Variants in ST7 observed in about 807,000 individuals in gnomAD.
The protein encoded by ST7 is suppression of tumorigenicity 7, also known as suppressor of tumorigenicity 7 protein.
A neutral mutation model predicts 78.7 loss-of-function variants in ST7; 28 were observed. The observed-to-expected ratio is 0.36, with a 90% CI of 0.26 to 0.49. The LOEUF is 0.49. Ranked by LOEUF, ST7 falls within the 20% of genes least tolerant of loss-of-function variation. ST7 has a pLI of 0.99. For missense variants in ST7, 418 were observed against 696.0 expected (o/e 0.60, Z 4.49); for synonymous variants, 247 against 249.6 (o/e 0.99, Z 0.10).
At chr7:117,167,668 G>T (rs1807677068) in intron 9 of ST7, among the ~76,000 whole-genome samples, 1 of 152,066 alleles carries the variant, frequency 6.6e-6, no homozygotes, top group South Asian at 2.1e-4. Context: ...TAAGATAAGA[G>T]GATGTGGGAC....
At chr7:117,019,289 T>A (rs2116006137) in intron 1 of ST7, among the ~76,000 whole-genome samples, 1 of 152,362 alleles carries the variant, frequency 6.6e-6, no homozygotes, top group African/African-American at 2.4e-5. Flanking sequence ...TTTTTTGGCT[T>A]GTGTTGGATA....
intron 12 of ST7, among the ~76,000 whole-genome samples, chr7:117,195,846 T>C (rs1311052555): frequency 6.6e-6 from 1 of 152,156 alleles, no homozygotes; most frequent in Non-Finnish European, 1.5e-5. Context: ...CACATCACTG[T>C]ACAGTAATCT....
At chr7:117,126,970 TGTGA>T (rs1803904472) in intron 3 of ST7, among the ~76,000 whole-genome samples, 1 of 151,906 alleles carries the variant, frequency 6.6e-6, no homozygotes, top group South Asian at 2.1e-4. Flanking sequence ...TGTCAGCACT[TGTGA>T]GTAGAGACTG....
chr7:116,981,190 C>T (rs1793943067), intron 1 of ST7, among the ~76,000 whole-genome samples: 1 of 152,034 alleles, frequency 6.6e-6, no homozygotes, highest in Non-Finnish European at 1.5e-5. Context: ...CTCACTGCAG[C>T]CTCGACCTCC....
At chr7:116,973,401 A>G (rs1011673348) in intron 1 of ST7, among the ~76,000 whole-genome samples, 3 of 151,930 alleles carry the variant, frequency 2.0e-5, no homozygotes, top group South Asian at 2.1e-4. Flanking sequence ...GGGACTACAC[A>G]TGTGTGCCAC....
intron 1 of ST7, among the ~76,000 whole-genome samples, chr7:116,992,956 G>A (rs753972104): frequency 3.3e-5 from 5 of 152,156 alleles, no homozygotes; most frequent in Non-Finnish European, 2.9e-5. Context: ...AATAAGAGTC[G>A]CCTTTGCTCC....
rs967747888 is a variant in ST7, at chr7:117,219,015, C to T, written c.1406-69C>T. On this transcript the variant is annotated intron_variant, in intron 13 of 15. Transcript: ENST00000323984. The surrounding 1 kb of genome is among the most constrained non-coding windows in gnomAD (Gnocchi z 5.1). ...CCCTGTTATAAAAATGCTCAAACGCCCCTTTTTGCAGTTGGGAAGTTATGA... is the reference window on the plus strand; with the variant it reads ...CCCTGTTATAAAAATGCTCAAACGCTCCTTTTTGCAGTTGGGAAGTTATGA... 3.1e-6 allele frequency: 4 copies of T among 1,285,772 alleles called. No individual in the cohort carries two copies. The highest frequency in any genetic ancestry group is 3.0e-5 in the African/African-American group (2 of 67,670). 79.6% of individuals were successfully genotyped at this position (1,285,772 alleles called of 1,614,324 possible).
chr7:117,136,203 A>G lies in ST7; in HGVS notation c.833A>G (p.Gln278Arg), dbSNP rs1444281450. The G allele has an allele frequency of 6.2e-7, 1 of 1,613,562 alleles. No individual in the cohort carries two copies. Among genetic ancestry groups the G allele is most frequent in the Non-Finnish European group, 8.5e-7 (1 of 1,179,714 alleles). ...TGTTACCGACGCTCTCAGCAGCTAC[A>G]ACATCATGGATCCCAGTATGAAGCC... ...DGCYRRSQQL[Q>R]HHGSQYEAQH... Residue 278 changes from glutamine (Q) to arginine (R), a missense_variant, in exon 8 of 16, where the codon CAA (glutamine) becomes CGA (arginine). By Grantham distance (43) the Gln-to-Arg change is conservative. Transcript: ENST00000323984.
At chr7:117,009,647 C>T (rs991951105) in intron 1 of ST7, among the ~76,000 whole-genome samples, 1 of 152,126 alleles carries the variant, frequency 6.6e-6, no homozygotes, top group Non-Finnish European at 1.5e-5. Flanking sequence ...TAATGTTTCT[C>T]ATGACTGCTA....
At chr7:116,983,128 C>T (rs1245478576) in intron 1 of ST7, among the ~76,000 whole-genome samples, 1 of 152,110 alleles carries the variant, frequency 6.6e-6, no homozygotes, top group Non-Finnish European at 1.5e-5. Context: ...GAACTCTTGA[C>T]CTCAGGTGAT....
intron 13 of ST7, among the ~76,000 whole-genome samples, chr7:117,213,054 A>T (rs1188975957): frequency 2.6e-5 from 4 of 152,224 alleles, no homozygotes; most frequent in African/African-American, 9.6e-5. Flanking sequence ...TGAAGCACTG[A>T]TGATACTGAA....
At chr7:117,191,504 A>G (rs1158581542) in intron 12 of ST7, 1 of 5,094 alleles carries the variant, frequency 2.0e-4, no homozygotes, top group Non-Finnish European at 3.4e-4. Flanking sequence ...AATACCCAAT[A>G]TTTCCAATTT....
intron 10 of ST7, among the ~76,000 whole-genome samples, chr7:117,186,436 G>T (rs886798423): frequency 6.6e-6 from 1 of 152,204 alleles, no homozygotes; most frequent in African/African-American, 2.4e-5. Context: ...TATGCTGGAC[G>T]AAGGGATGAT....
chr7:116,975,038 A>G (rs1343813086), intron 1 of ST7, among the ~76,000 whole-genome samples: 1 of 152,148 alleles, frequency 6.6e-6, no homozygotes, highest in Non-Finnish European at 1.5e-5. Flanking sequence ...GCATTAGTCC[A>G]TTTTCATACT....
At chr7:117,040,700 A>G (rs1247357931) in intron 1 of ST7, among the ~76,000 whole-genome samples, 1 of 152,214 alleles carries the variant, frequency 6.6e-6, no homozygotes, top group Non-Finnish European at 1.5e-5. Context: ...GGTCACTATG[A>G]AGTGCTGATT....
intron 1 of ST7, among the ~76,000 whole-genome samples, chr7:117,089,584 T>G (rs1800433687): frequency 6.6e-6 from 1 of 151,098 alleles, no homozygotes; most frequent in South Asian, 2.1e-4. Context: ...GTTTTTTTTT[T>G]TTTTTGAGAT....
At chr7:116,986,943 G>C (rs537680273) in intron 1 of ST7, among the ~76,000 whole-genome samples, 1 of 152,330 alleles carries the variant, frequency 6.6e-6, no homozygotes, top group East Asian at 1.9e-4. Context: ...AACTTCTGCT[G>C]CTGGGCCTTT....
intron 9 of ST7, among the ~76,000 whole-genome samples, chr7:117,158,049 G>A (rs1716907050): frequency 6.6e-6 from 1 of 152,154 alleles, no homozygotes; most frequent in Admixed American, 6.5e-5. Context: ...TGAAACTGCA[G>A]TTTGCCATAG....
At chr7:116,968,688 C>G in intron 1 of ST7, 1 of 171,750 alleles carries the variant, frequency 5.8e-6, no homozygotes, top group Non-Finnish European at 1.3e-5. Context: ...AAAATGGGCA[C>G]AAAACTATAA....
Sources: gnomAD v4.1 joint callset for allele counts (sites outside exome capture counted in the v4.1 genomes callset) on GRCh38, gnomAD v4.1.1 for gene constraint, Gnocchi (gnomAD v3.1) non-coding constraint, MANE v1.5 for transcripts, NCBI Gene and HGNC (gene_info 2026-07-23, HGNC 2026-07-21) for gene names.